The following TG variants were observed in gnomAD, a reference collection of about 807,000 sequenced individuals.
The protein encoded by TG is thyroid hormones.
TG carries 270 observed loss-of-function variants against 324.7 expected under a neutral mutation model. The ratio of observed to expected loss-of-function variants is 0.83; its 90% confidence interval spans 0.75 to 0.92. The LOEUF (loss-of-function observed/expected upper bound fraction) is 0.92, where lower values mean the gene tolerates loss of function less well. Ranked by LOEUF, TG falls within the 40% of genes least tolerant of loss-of-function variation. The probability of loss-of-function intolerance (pLI) is 0.00; values close to 1 mark genes in which losing one functional copy is unlikely to be tolerated. For synonymous variants in TG, 1,401 were observed against 1,327.0 expected (o/e 1.06, Z -1.21); for missense variants, 3,591 against 3,456.4 (o/e 1.04, Z -0.98).
At position 132,897,663 on chromosome 8, in the gene TG, C is replaced by T; in HGVS notation, c.3016C>T (p.Gln1006Ter). The change falls in exon 12 of 48, where the codon CAG (glutamine) becomes TAG (stop). Residue 1006 changes from glutamine to a stop codon, truncating the protein, a stop_gained. Coordinates refer to ENST00000220616, the MANE Select transcript of TG (RefSeq NM_003235.5). LOFTEE classifies it high-confidence loss of function. The stretch of plus-strand genomic sequence containing the variant: ...CCTGACTCCAGCCTTAAGCTTCTAT[C>T]AGAGACGCCGCTTTTCCCCGGACGA... The part of the protein sequence containing the change: ...LAAQSTLSFY[Q>*]RRRFSPDDSA... The T allele has an allele frequency of 1.2e-6, 2 of 1,614,230 alleles. No homozygotes were observed. The highest frequency in any genetic ancestry group is 2.7e-5 in the African/African-American group (2 of 75,060).
In TG at chr8:133,020,584, G is replaced by T. The variant is rs144335330; in HGVS notation, c.6876+889G>T. On this transcript the variant is annotated intron_variant, in intron 39 of 47. Coordinates refer to ENST00000220616, the MANE Select transcript of TG (RefSeq NM_003235.5). ...AAATGAACTCAAGACCACTCAGGCTGGTCTTTCTCTGTGGCATTTAAAAAG... is the reference window on the plus strand; with the variant it reads ...AAATGAACTCAAGACCACTCAGGCTTGTCTTTCTCTGTGGCATTTAAAAAG... Among the ~76,000 whole-genome samples the T allele has an allele frequency of 4.1e-4, 62 of 152,222 alleles. No individual in the cohort carries two copies. In the East Asian group the frequency reaches 0.011, roughly 28 times the overall value.
At chr8:132,963,112 T>C in intron 29 of TG, 38 bp downstream of exon 29, 1 of 1,583,338 alleles carries the variant, frequency 6.3e-7, no homozygotes, top group African/African-American at 1.3e-5. Flanking sequence ...CTTGGGTGTC[T>C]GAATGCAGAG....
intron 13 of TG, 44 bp from the exon 14 acceptor site, chr8:132,898,753 TG>T: frequency 6.3e-7 from 1 of 1,577,054 alleles, no homozygotes. Context: ...CTCTTTCTCT[TG>T]GCTCCCACGA....
intron 27 of TG, among the ~76,000 whole-genome samples, chr8:132,956,764 G>C (rs1254460135): frequency 1.3e-5 from 2 of 152,106 alleles, no homozygotes; most frequent in Non-Finnish European, 2.9e-5. Context: ...AGTACCTGGG[G>C]GCTATGTGGC....
chr8:133,083,833 G>A (rs902048162), intron 41 of TG, among the ~76,000 whole-genome samples: 5 of 152,168 alleles, frequency 3.3e-5, no homozygotes, highest in East Asian at 1.9e-4. Flanking sequence ...CTGCTGCCCC[G>A]TCCAGGTTCT....
rs1852231003 is a variant in TG, at chr8:133,134,862, A to T, written c.*68A>T. The T allele has an allele frequency of 8.1e-7, 1 of 1,228,120 alleles. No individual in the cohort carries two copies. The highest frequency in any genetic ancestry group is 1.5e-5 in the African/African-American group (1 of 67,260). The allele number at this position is 1,228,120 out of a possible 1,614,324, so 76.1% of individuals were successfully genotyped here. ...CTATGGTCATCTTTTTCTCTAAAAT[A>T]GCCACTTACCTTCAATAAAGTATCT... On this transcript the variant is annotated 3_prime_UTR_variant, in exon 48 of 48. Coordinates refer to ENST00000220616, the MANE Select transcript of TG (RefSeq NM_003235.5).
chr8:133,016,211 G>A (rs1480731062), intron 37 of TG, among the ~76,000 whole-genome samples: 1 of 152,190 alleles, frequency 6.6e-6, no homozygotes, highest in East Asian at 1.9e-4. Context: ...GACGCTCAGT[G>A]ACCTGGAAGT....
chr8:132,964,192 A>G (rs1330918857), intron 29 of TG, among the ~76,000 whole-genome samples: 1 of 151,928 alleles, frequency 6.6e-6, no homozygotes, highest in East Asian at 1.9e-4. Context: ...ATCACACACT[A>G]CTTTAGGGCT....
chr8:133,027,056 G>C (rs528005840), intron 40 of TG, among the ~76,000 whole-genome samples: 4 of 152,330 alleles, frequency 2.6e-5, no homozygotes, highest in African/African-American at 9.6e-5. Flanking sequence ...GGCTGTACCT[G>C]GTGGAGCTGG....
chr8:133,065,920 G>A (rs1842969383), intron 41 of TG, among the ~76,000 whole-genome samples: 1 of 152,170 alleles, frequency 6.6e-6, no homozygotes, highest in Non-Finnish European at 1.5e-5. Context: ...GGAAGCCCGG[G>A]TCTGGGTTTC....
At chr8:132,906,421 G>A (rs975212058) in intron 16 of TG, among the ~76,000 whole-genome samples, 27 of 152,116 alleles carry the variant, frequency 1.8e-4, no homozygotes, top group African/African-American at 5.8e-4. Context: ...GAAGAAGCTC[G>A]AGTGCCTGAG....
intron 20 of TG, among the ~76,000 whole-genome samples, chr8:132,914,649 T>C (rs1230829811): frequency 1.3e-5 from 2 of 152,208 alleles, no homozygotes; most frequent in Non-Finnish European, 2.9e-5. Context: ...CTGTCATGCC[T>C]GGGGTGGGGC....
rs536318654 is a variant in TG, at chr8:133,005,266, C to G, written c.6263-6635C>G. ...GAGGCCCTCCTGGGCAGGAAGCAAG[C>G]TGCCCTGGGACAGGGGGACAGGGGG... is the stretch of plus-strand genomic sequence containing the variant. On this transcript the variant is annotated intron_variant, in intron 35 of 47. Coordinates refer to ENST00000220616, the MANE Select transcript of TG (RefSeq NM_003235.5). Among the ~76,000 whole-genome samples the G allele has an allele frequency of 4.0e-4, 61 of 152,018 alleles. 1 individual carries two copies. Among genetic ancestry groups the G allele is most frequent in the Non-Finnish European group, 5.4e-4 (37 of 68,006 alleles).
chr8:132,931,683 T>G (rs1822741897), intron 23 of TG, among the ~76,000 whole-genome samples: 1 of 152,150 alleles, frequency 6.6e-6, no homozygotes, highest in Non-Finnish European at 1.5e-5. Flanking sequence ...TTTAATTGTT[T>G]TCTTGACTGA....
At chr8:132,951,881 C>A (rs1399082929) in intron 27 of TG, among the ~76,000 whole-genome samples, 2 of 152,114 alleles carry the variant, frequency 1.3e-5, no homozygotes, top group Non-Finnish European at 1.5e-5. Flanking sequence ...CTGATAGATA[C>A]CCTTTTCTAA....
At chr8:132,973,740 C>T (rs1829833208) in intron 34 of TG, among the ~76,000 whole-genome samples, 1 of 152,182 alleles carries the variant, frequency 6.6e-6, no homozygotes, top group Non-Finnish European at 1.5e-5. Context: ...GAAGCAAATT[C>T]ACAAAGATGT....
rs773826800 is a variant in TG, at chr8:132,882,907, T to A, written c.983T>A (p.Val328Glu). ...CGCCGAAATGGCGACTATCAGGCGGTGCAGTGCCAGACGGAAGGGCCCTGC... is the reference window on the plus strand; with the variant it reads ...CGCCGAAATGGCGACTATCAGGCGGAGCAGTGCCAGACGGAAGGGCCCTGC... ...SCRRNGDYQA[V>E]QCQTEGPCWC... Residue 328 changes from valine to glutamate, a missense_variant, in exon 8 of 48, where the codon GTG becomes GAG. Transcript: ENST00000220616. The A allele has an allele frequency of 6.2e-7, 1 of 1,614,182 alleles. No homozygotes were observed. Among genetic ancestry groups the A allele is most frequent in the Non-Finnish European group, 8.5e-7 (1 of 1,180,032 alleles).
rs749251240 is a variant in TG, at chr8:132,983,405, A to G, written c.6255A>G (p.Thr2085=). 8 of 1,614,018 alleles carry G rather than the reference A, an allele frequency of 5.0e-6. No individual in the cohort carries two copies. The highest frequency in any genetic ancestry group is 5.9e-6 in the Non-Finnish European group (7 of 1,179,872). Residue 2085 remains threonine, a synonymous_variant, in exon 35 of 48, where the codon ACA becomes ACG. Coordinates refer to ENST00000220616, the MANE Select transcript of TG (RefSeq NM_003235.5). ...FCPLVVLPSL[T]EKVSLDSWQS... Reference sequence around the variant, plus strand: ...CTTTGGTTGTTCTGCCTTCCCTCACAGAGAAAGGTAAGTTCATTGTCTTTT... The same window carrying G: ...CTTTGGTTGTTCTGCCTTCCCTCACGGAGAAAGGTAAGTTCATTGTCTTTT...
intron 22 of TG, 39 bp from the exon 23 acceptor site, chr8:132,929,037 C>T (rs1291208506): frequency 6.4e-7 from 1 of 1,553,960 alleles, no homozygotes; most frequent in Admixed American, 1.7e-5. Flanking sequence ...TGCCCTACAC[C>T]CTTCTGAGTC....
Sources: allele counts gnomAD v4.1 joint callset (sites outside exome capture counted in the v4.1 genomes callset), GRCh38; gene constraint gnomAD v4.1.1; transcripts MANE v1.5; gene names NCBI Gene and HGNC (gene_info 2026-07-23, HGNC 2026-07-21).